RAI1: variants seen among roughly 807,000 people sequenced by gnomAD.
The protein encoded by RAI1 is retinoic acid induced 1.
Under a neutral mutation model 123.8 loss-of-function variants are expected in RAI1, and 9 were observed. The ratio of observed to expected loss-of-function variants is 0.07; its 90% confidence interval spans 0.04 to 0.13. The LOEUF is 0.13. RAI1 is among the 10% of genes least tolerant of loss of function. The pLI is 1.00. For missense variants in RAI1, 2,256 were observed against 2,545.8 expected, an observed-to-expected ratio of 0.89 and a Z score of 2.45; for synonymous variants, 1,231 against 1,127.3, an observed-to-expected ratio of 1.09 and a Z score of -1.84.
intron 2 of RAI1, among the ~76,000 whole-genome samples, chr17:17,760,198 G>C (rs186383600): frequency 6.6e-6 from 1 of 152,178 alleles, no homozygotes; most frequent in Non-Finnish European, 1.5e-5. Context: ...GAGCAGTGCT[G>C]TAATGGTGGA....
intron 2 of RAI1, among the ~76,000 whole-genome samples, chr17:17,768,973 G>A (rs977143091): frequency 1.3e-5 from 2 of 152,210 alleles, no homozygotes; most frequent in Non-Finnish European, 2.9e-5. Context: ...AGTTTGGGGG[G>A]CAGATGAAGC....
At chr17:17,756,900 C>T (rs563745608) in intron 2 of RAI1, among the ~76,000 whole-genome samples, 65 of 152,328 alleles carry the variant, frequency 4.3e-4, no homozygotes, top group African/African-American at 1.4e-3. Context: ...CCGGTGGGAA[C>T]GGTATTCTGT....
chr17:17,803,684 C>G, intron 3 of RAI1, 72 bp from the exon 4 acceptor site: 1 of 1,420,426 alleles, frequency 7.0e-7, no homozygotes, highest in Non-Finnish European at 1.0e-6. Context: ...CTGCACCTGG[C>G]CTACCAGCCT....
chr17:17,742,483 C>T (rs1330651424), intron 2 of RAI1, among the ~76,000 whole-genome samples: 1 of 152,200 alleles, frequency 6.6e-6, no homozygotes, highest in African/African-American at 2.4e-5. Flanking sequence ...GAATGTTCTC[C>T]AGAGTCTGAA....
chr17:17,767,093 C>A (rs111617936), intron 2 of RAI1, among the ~76,000 whole-genome samples: 12 of 152,294 alleles, frequency 7.9e-5, no homozygotes, highest in Non-Finnish European at 1.3e-4. Flanking sequence ...CAACTCCCAG[C>A]TCCAGGAACC....
At chr17:17,780,863 G>A (rs1181827530) in intron 2 of RAI1, among the ~76,000 whole-genome samples, 1 of 152,186 alleles carries the variant, frequency 6.6e-6, no homozygotes, top group East Asian at 1.9e-4. Context: ...TGCTTAGGAG[G>A]CTGTGTCCCT....
At chr17:17,762,771 G>C (rs2030757367) in intron 2 of RAI1, among the ~76,000 whole-genome samples, 1 of 152,064 alleles carries the variant, frequency 6.6e-6, no homozygotes, top group Non-Finnish European at 1.5e-5. Flanking sequence ...CATCCAGGAG[G>C]CCTGTGCTTC....
At chr17:17,807,680 G>A (rs2032621285) in intron 4 of RAI1, among the ~76,000 whole-genome samples, 1 of 152,252 alleles carries the variant, frequency 6.6e-6, no homozygotes, top group Non-Finnish European at 1.5e-5. Flanking sequence ...GCAGTGCTGA[G>A]GGAGCCAGTT....
chr17:17,800,976 T>C lies in RAI1; in HGVS notation c.5565+2463T>C, dbSNP rs1423618682. The stretch of plus-strand genomic sequence containing the variant: ...CAGGATTGTGGGGTTCTGTGGATCA[T>C]GTGGGACCTGCCTGGCATGTGGAAG... On this transcript the variant is annotated intron_variant, in intron 3 of 5. Transcript: ENST00000353383. This position sits in a 1 kb window ranked among gnomAD's most constrained non-coding sequence, Gnocchi z 4.7. Among the ~76,000 whole-genome samples, 7 of 152,176 alleles carry C rather than the reference T, an allele frequency of 4.6e-5. No individual in the cohort carries two copies. The highest frequency in any genetic ancestry group is 1.7e-4 in the African/African-American group (7 of 41,440).
intron 2 of RAI1, among the ~76,000 whole-genome samples, chr17:17,728,581 C>T (rs1016323463): frequency 2.0e-5 from 3 of 152,078 alleles, no homozygotes; most frequent in Non-Finnish European, 2.9e-5. Context: ...TTGAGGGGCA[C>T]GTGCCCAAGT....
At chr17:17,757,203 G>C (rs1400966762) in intron 2 of RAI1, among the ~76,000 whole-genome samples, 2 of 152,236 alleles carry the variant, frequency 1.3e-5, no homozygotes, top group Non-Finnish European at 2.9e-5. Context: ...AGCTGTGGAG[G>C]TGTTGGGTGC....
intron 1 of RAI1, among the ~76,000 whole-genome samples, chr17:17,692,704 C>A (rs1424179531): frequency 1.3e-5 from 2 of 152,222 alleles, no homozygotes; most frequent in African/African-American, 2.4e-5. Flanking sequence ...TGGCTTCTGA[C>A]CAAAGCAGTT....
At chr17:17,761,129 A>C (rs957153420) in intron 2 of RAI1, among the ~76,000 whole-genome samples, 1 of 152,208 alleles carries the variant, frequency 6.6e-6, no homozygotes, top group African/African-American at 2.4e-5. Flanking sequence ...TTTACAGTGG[A>C]AATGATAATG....
intron 1 of RAI1, among the ~76,000 whole-genome samples, chr17:17,702,745 A>G (rs1915266675): frequency 6.6e-6 from 1 of 152,212 alleles, no homozygotes; most frequent in Admixed American, 6.5e-5. Flanking sequence ...AACTCTTGGT[A>G]TCCAGTAGTT....
chr17:17,784,516 C>T (rs2031750819), intron 2 of RAI1, among the ~76,000 whole-genome samples: 1 of 152,238 alleles, frequency 6.6e-6, no homozygotes, highest in Admixed American at 6.5e-5. Flanking sequence ...TTCCATTAAT[C>T]CCTCGGCAAA....
At chr17:17,792,338 T>C (rs1045030090) in intron 2 of RAI1, among the ~76,000 whole-genome samples, 41 of 151,208 alleles carry the variant, frequency 2.7e-4, no homozygotes, top group African/African-American at 6.1e-4. Flanking sequence ...TGTGCGCGCG[T>C]GTGTGTGTGA....
intron 2 of RAI1, among the ~76,000 whole-genome samples, chr17:17,790,825 G>A (rs1241480363): frequency 1.3e-5 from 2 of 152,136 alleles, no homozygotes; most frequent in Non-Finnish European, 2.9e-5. Context: ...CTGTGCCCTC[G>A]GCCTGGGCAC....
intron 1 of RAI1, among the ~76,000 whole-genome samples, chr17:17,712,559 G>T (rs1325688408): frequency 6.6e-6 from 1 of 152,222 alleles, no homozygotes; most frequent in Non-Finnish European, 1.5e-5. Flanking sequence ...AGCCATGGAG[G>T]ATTCCTAGGG....
At chr17:17,806,934 C>G (rs1213382695) in intron 4 of RAI1, among the ~76,000 whole-genome samples, 8 of 152,186 alleles carry the variant, frequency 5.3e-5, no homozygotes, top group Non-Finnish European at 1.5e-5. Flanking sequence ...AGGCCATCTA[C>G]ACACACGGCA....
Sources: gnomAD v4.1 joint callset for allele counts (sites outside exome capture counted in the v4.1 genomes callset) on GRCh38, gnomAD v4.1.1 for gene constraint, Gnocchi (gnomAD v3.1) non-coding constraint, MANE v1.5 for transcripts, NCBI Gene and HGNC (gene_info 2026-07-23, HGNC 2026-07-21) for gene names.